RIF1: variants seen among roughly 807,000 people sequenced by gnomAD.
The protein encoded by RIF1 is telomere-associated protein RIF1.
RIF1 carries 45 observed loss-of-function variants against 247.1 expected under a neutral mutation model. The ratio of observed to expected loss-of-function variants is 0.18; its 90% confidence interval spans 0.14 to 0.23. The LOEUF (loss-of-function observed/expected upper bound fraction) is 0.23, where lower values mean the gene tolerates loss of function less well. Ranked by LOEUF, RIF1 falls within the 10% of genes least tolerant of loss-of-function variation. RIF1 has a pLI of 1.00. For synonymous variants in RIF1, 1,087 were observed against 978.8 expected (o/e 1.11, Z -2.06); for missense variants, 2,967 against 2,862.5 (o/e 1.04, Z -0.83).
In RIF1 at chr2:151,479,844, A is replaced by G. The variant is rs1204101962; in HGVS notation, c.*4773A>G. On this transcript the variant is annotated 3_prime_UTR_variant, in exon 36 of 36. Coordinates refer to ENST00000444746, the MANE Select transcript of RIF1 (RefSeq NM_018151.5). ...AGTAATAGGTTTTAAAAATTTATCA[A>G]AATTTATTGATAGTTTGATCTGTAA... 1 of 152,188 alleles carries G rather than the reference A, an allele frequency of 6.6e-6. No individual in the cohort carries two copies. The highest frequency in any genetic ancestry group is 1.5e-5 in the Non-Finnish European group (1 of 68,014). The allele number at this position is 152,188 out of a possible 1,614,324, so 9.4% of individuals were successfully genotyped here. A position where few individuals can be genotyped will look rare whatever the true frequency, so the allele number is the denominator to read the frequency against.
chr2:151,473,865 A>G (rs2048768779), intron 34 of RIF1, 99 bp from the exon 35 acceptor site: 2 of 709,458 alleles, frequency 2.8e-6, no homozygotes, highest in African/African-American at 1.8e-5. Flanking sequence ...GTTCTATGCA[A>G]TGTTTTCCAG....
chr2:151,432,261 C>T (rs1690296678), intron 9 of RIF1, among the ~76,000 whole-genome samples: 1 of 152,168 alleles, frequency 6.6e-6, no homozygotes, highest in South Asian at 2.1e-4. Flanking sequence ...CAACCTGCCT[C>T]ATCCTCCCAA....
rs1692022421 is a variant in RIF1 at position 151,440,145 on chromosome 2, A to G, written c.1647+18A>G. ...AAACGCTGGTAAGTATAATACCCGT[A>G]TGTTGGACTTTAAAAACCATTTTCT... On this transcript the variant is annotated intron_variant, in intron 15 of 35. Coordinates refer to ENST00000444746, the MANE Select transcript of RIF1 (RefSeq NM_018151.5). 1 of 1,285,602 alleles carries G rather than the reference A, an allele frequency of 7.8e-7. No homozygotes were observed. Among genetic ancestry groups the G allele is most frequent in the Admixed American group, 2.1e-5 (1 of 48,340 alleles). 79.6% of individuals were successfully genotyped at this position (1,285,602 alleles called of 1,614,324 possible).
rs757290966 is a variant in RIF1 at position 151,490,080 on chromosome 2, G to GA, written c.*416-5142dup. On this transcript the variant is annotated intron_variant and NMD_transcript_variant, in intron 9 of 13. Transcript: ENST00000454583. ...TGTGGTTTTTGCATGTTTGTAAGCT[G>GA]AAAAAAAGGGGGCAAATTCTTTATA... 4.4e-6 allele frequency: 7 copies of GA among 1,591,832 alleles called. No individual in the cohort carries two copies. The highest frequency in any genetic ancestry group is 3.5e-5 in the Admixed American group (2 of 56,452).
intron 21 of RIF1, among the ~76,000 whole-genome samples, chr2:151,454,571 T>C (rs1281472367): frequency 2.0e-5 from 3 of 152,170 alleles, no homozygotes; most frequent in African/African-American, 7.2e-5. Context: ...GCATATTAGT[T>C]GTTGAAATTT....
intron 30 of RIF1, among the ~76,000 whole-genome samples, chr2:151,467,042 A>G (rs1353069232): frequency 6.6e-6 from 1 of 152,064 alleles, no homozygotes; most frequent in Admixed American, 6.5e-5. Context: ...CAGCCTGACC[A>G]ACATGGAGAA....
At position 151,477,210 on chromosome 2, in the gene RIF1, CT is replaced by C. The variant is rs2048972227; in HGVS notation, c.*2141del. 6.6e-6 allele frequency: 1 copy of C among 152,290 alleles called. No homozygotes were observed. The highest frequency in any genetic ancestry group is 2.1e-4 in the South Asian group (1 of 4,828). The allele number at this position is 152,290 out of a possible 1,614,324, so 9.4% of individuals were successfully genotyped here. ...CTTAAAGTTTCCTGCAAATTTCCCC[CT>C]TAGTAATTCCCGAATAGCAAAACAT... is the stretch of plus-strand genomic sequence containing the variant. On this transcript the variant is annotated 3_prime_UTR_variant, in exon 36 of 36. Transcript: ENST00000444746.
the RIF1 span, chr2:151,513,613 CAT>C: frequency 6.2e-7 from 1 of 1,609,944 alleles, no homozygotes; most frequent in Non-Finnish European, 8.5e-7. Context: ...TCCTGGCCCT[CAT>C]AAAATCCGGA....
At chr2:151,524,436 A>G in the RIF1 span, 3 of 1,613,350 alleles carry the variant, frequency 1.9e-6, no homozygotes, top group Non-Finnish European at 2.5e-6. Flanking sequence ...GAAAACCAAA[A>G]TGGGCAACAG....
At position 151,462,319 on chromosome 2, in the gene RIF1, C is replaced by A; in HGVS notation, c.3305C>A (p.Pro1102His). The change falls in exon 28 of 36, where the codon CCT (proline) becomes CAT (histidine). Residue 1102 changes from proline (P) to histidine (H), a missense_variant. Pro to His is a moderately conservative substitution (Grantham distance 77, BLOSUM62 -2). This residue lies in a region of RIF1 where 2,028 missense variants were observed against 1,825.6 expected (regional missense o/e 1.11). Coordinates refer to ENST00000444746, the MANE Select transcript of RIF1 (RefSeq NM_018151.5). ...TTTACTCAGTATAGTCAGGAAGAGC[C>A]TATGTAAGTACAGAAGCCATCAAAC... ...TLFTQYSQEE[P>H]MEIPTLTRKP... 1 of 1,568,192 alleles carries A rather than the reference C, an allele frequency of 6.4e-7. No homozygotes were observed. Among genetic ancestry groups the A allele is most frequent in the South Asian group, 1.2e-5 (1 of 81,752 alleles).
At chr2:151,511,392 CTA>C (rs2074173994), downstream of RIF1, among the ~76,000 whole-genome samples, 1 of 152,196 alleles carries the variant, frequency 6.6e-6, no homozygotes, top group South Asian at 2.1e-4. Context: ...CAATATACAA[CTA>C]TATGTTTCCA....
rs749787388 is a variant in RIF1, at chr2:151,420,325, A to G, written c.639A>G (p.Leu213=). 6.2e-7 allele frequency: 1 copy of G among 1,614,198 alleles called. No individual in the cohort carries two copies. The highest frequency in any genetic ancestry group is 1.1e-5 in the South Asian group (1 of 91,084). The change falls in exon 7 of 36, where the codon TTA becomes TTG. Residue 213 remains leucine (L), a synonymous_variant. Coordinates refer to ENST00000444746, the MANE Select transcript of RIF1 (RefSeq NM_018151.5). ...GATALEMGMP[L]LLQKQQEIAS... is the part of the protein sequence containing the mutation. Reference sequence around the variant, plus strand: ...CTGCTCTGGAGATGGGAATGCCATTATTGCTTCAGAAACAGCAAGAAATAG... The same window carrying G: ...CTGCTCTGGAGATGGGAATGCCATTGTTGCTTCAGAAACAGCAAGAAATAG...
intron 35 of RIF1, among the ~76,000 whole-genome samples, chr2:151,474,452 G>A (rs142834743): frequency 0.03 from 4,525 of 152,322 alleles, 122 homozygotes; most frequent in East Asian, 0.14. Flanking sequence ...GCCAAGGTGG[G>A]TGGATCGCTT....
chr2:151,469,874 T>TA lies in RIF1; in HGVS notation c.7095+11dup, dbSNP rs767665657. On this transcript the variant is annotated intron_variant, in intron 34 of 35. Coordinates refer to ENST00000444746, the MANE Select transcript of RIF1 (RefSeq NM_018151.5). ...ATATCATGAGCAGCAGGTAAAAACT[T>TA]AGATATTAGCTATGATGTATATTAA... is the stretch of plus-strand genomic sequence containing the variant. 2.8e-5 allele frequency: 45 copies of TA among 1,581,298 alleles called. No individual in the cohort carries two copies. Among genetic ancestry groups the TA allele is most frequent in the Non-Finnish European group, 3.7e-5 (43 of 1,162,922 alleles).
intron 9 of RIF1, chr2:151,490,627 T>C (rs2055660570): frequency 7.3e-7 from 1 of 1,364,634 alleles, no homozygotes; most frequent in African/African-American, 1.4e-5. Context: ...AGCATGGTTT[T>C]AAGTACTTTC....
intron 26 of RIF1, among the ~76,000 whole-genome samples, chr2:151,460,373 G>T (rs1294668513): frequency 5.9e-5 from 9 of 152,176 alleles, no homozygotes; most frequent in Non-Finnish European, 1.3e-4. Flanking sequence ...ATTCCAGGCA[G>T]CAGCCCCCTT....
intron 21 of RIF1, among the ~76,000 whole-genome samples, chr2:151,453,342 C>T (rs1390863234): frequency 6.6e-6 from 1 of 151,990 alleles, no homozygotes; most frequent in East Asian, 1.9e-4. Flanking sequence ...TTTGAGAGGC[C>T]GAGGTGGGTG....
In RIF1 at chr2:151,428,941, A is replaced by G. The variant is rs780445229; in HGVS notation, c.925+19A>G. The G allele has an allele frequency of 2.2e-6, 3 of 1,382,246 alleles. No homozygotes were observed. Among genetic ancestry groups the G allele is most frequent in the Non-Finnish European group, 2.0e-6 (2 of 991,436 alleles). 85.6% of individuals were successfully genotyped at this position (1,382,246 alleles called of 1,614,324 possible). On this transcript the variant is annotated intron_variant, in intron 9 of 35. Coordinates refer to ENST00000444746, the MANE Select transcript of RIF1 (RefSeq NM_018151.5). ...AATCCAGGTAAGTAATATTTTAACAATTTTGATTTTCTGTGAATTTGTTTT... is the reference window on the plus strand; with the variant it reads ...AATCCAGGTAAGTAATATTTTAACAGTTTTGATTTTCTGTGAATTTGTTTT...
downstream of RIF1, chr2:151,486,660 T>C (rs1448052442): frequency 1.3e-5 from 2 of 152,226 alleles, no homozygotes; most frequent in African/African-American, 2.4e-5. Flanking sequence ...AGATCTATTA[T>C]TGGGTAGTAA....
Sources: allele counts gnomAD v4.1 joint callset (sites outside exome capture counted in the v4.1 genomes callset), GRCh38; gene constraint gnomAD v4.1.1; regional missense constraint gnomAD v4.1.1; transcripts MANE v1.5; gene names NCBI Gene and HGNC (gene_info 2026-07-23, HGNC 2026-07-21).